Variants in SYDE2 observed in about 807,000 individuals in gnomAD.
SYDE2 encodes rho GTPase-activating protein SYDE2.
In SYDE2, 76 loss-of-function variants were observed where a neutral mutation model predicts 91.5. That is an observed-to-expected ratio of 0.83 (90% CI 0.69 to 1.01). The LOEUF (loss-of-function observed/expected upper bound fraction) is 1.01, where lower values mean the gene tolerates loss of function less well. Among genes scored for constraint, SYDE2 ranks in the 50% least tolerant of loss-of-function variants. SYDE2 has a pLI of 0.00. For missense variants in SYDE2, 1,364 were observed against 1,367.7 expected (o/e 1.00, Z 0.04); for synonymous variants, 513 against 506.4 (o/e 1.01, Z -0.18).
At chr1:85,176,533 T>C (rs1657705604) in intron 4 of SYDE2, among the ~76,000 whole-genome samples, 1 of 152,158 alleles carries the variant, frequency 6.6e-6, no homozygotes, top group Non-Finnish European at 1.5e-5. Flanking sequence ...CAAAATTCTC[T>C]TAAATACGTA....
intron 6 of SYDE2, chr1:85,160,530 A>AGATCTAACAT: frequency 1.0e-6 from 1 of 975,216 alleles, no homozygotes; most frequent in Non-Finnish European, 1.2e-6. Context: ...TAATGTTAGT[A>AGATCTAACAT]TTAATATAGA....
intron 2 of SYDE2, among the ~76,000 whole-genome samples, chr1:85,185,035 A>C (rs1326894206): frequency 6.6e-6 from 1 of 151,838 alleles, no homozygotes; most frequent in African/African-American, 2.4e-5. Flanking sequence ...GCTTTCTGCC[A>C]ATACTGCTAA....
chr1:85,181,181 T>C (rs1469192540), intron 3 of SYDE2: 1 of 122,546 alleles, frequency 8.2e-6, no homozygotes, highest in East Asian at 2.8e-4. Flanking sequence ...CAACGGAGTC[T>C]CACTCTATCG....
chr1:85,162,672 C>G (rs923562012), intron 6 of SYDE2, among the ~76,000 whole-genome samples: 1 of 152,102 alleles, frequency 6.6e-6, no homozygotes, highest in Non-Finnish European at 1.5e-5. Flanking sequence ...TTCTATAACA[C>G]AAGATATACA....
chr1:85,180,924 A>C (rs1380288500), intron 3 of SYDE2, among the ~76,000 whole-genome samples: 1 of 152,140 alleles, frequency 6.6e-6, no homozygotes, highest in African/African-American at 2.4e-5. Context: ...TGCCTGAAAA[A>C]AGATAAAAGA....
At chr1:85,184,779 T>C (rs991831163) in intron 2 of SYDE2, among the ~76,000 whole-genome samples, 2 of 151,828 alleles carry the variant, frequency 1.3e-5, no homozygotes, top group Non-Finnish European at 2.9e-5. Context: ...GGAAGACTGC[T>C]TGAGCTGGGA....
rs1557752576 is a variant in SYDE2, at chr1:85,183,180, T to C, written c.1462A>G (p.Thr488Ala). ...ATAATTCCCAATTCAGTACTATTTG[T>C]AGCAGCCAGGATCCCAGAACCTTAA... Reference protein sequence around the residue: ...PFAGSGILAATNSTELGIMEP... With the variant: ...PFAGSGILAAANSTELGIMEP... The change falls in exon 3 of 7, where the codon ACA (threonine) becomes GCA (alanine). Residue 488 changes from threonine (T) to alanine (A), a missense_variant. Physicochemically the swap from Thr to Ala is moderately conservative, Grantham distance 58. Transcript: ENST00000341460. The C allele has an allele frequency of 6.4e-7, 1 of 1,572,432 alleles. No individual in the cohort carries two copies. The highest frequency in any genetic ancestry group is 2.2e-5 in the East Asian group (1 of 44,530).
At chr1:85,169,540 C>T (rs1008432246) in intron 4 of SYDE2, among the ~76,000 whole-genome samples, 8 of 152,110 alleles carry the variant, frequency 5.3e-5, no homozygotes, top group Admixed American at 1.3e-4. Flanking sequence ...TAAAAAGCTT[C>T]TCTAAATGCA....
At position 85,200,673 on chromosome 1, in the gene SYDE2, G is replaced by C; in HGVS notation, c.324C>G (p.Ile108Met). Reference protein sequence around the residue: ...PFQRWPSDSWIRCGAHRDWDE... With the variant: ...PFQRWPSDSWMRCGAHRDWDE... ...CCCAGTCCCGGTGCGCGCCGCACCT[G>C]ATCCAGCTGTCGCTCGGCCACCGCT... Residue 108 changes from isoleucine to methionine, a missense_variant, in exon 1 of 7, where the codon ATC becomes ATG. By Grantham distance (10) the Ile-to-Met change is conservative. Coordinates refer to ENST00000341460, the MANE Select transcript of SYDE2 (RefSeq NM_032184.2). 1 of 1,537,886 alleles carries C rather than the reference G, an allele frequency of 6.5e-7. No homozygotes were observed. The highest frequency in any genetic ancestry group is 8.7e-7 in the Non-Finnish European group (1 of 1,147,300).
At chr1:85,194,221 T>C (rs575152278) in intron 1 of SYDE2, among the ~76,000 whole-genome samples, 1 of 151,456 alleles carries the variant, frequency 6.6e-6, no homozygotes, top group African/African-American at 2.4e-5. Context: ...TTCATAGATA[T>C]GGAAAGCTAT....
intron 6 of SYDE2, among the ~76,000 whole-genome samples, chr1:85,161,720 C>T (rs545979294): frequency 1.6e-5 from 2 of 125,096 alleles, no homozygotes; most frequent in South Asian, 4.8e-4. Context: ...AGTGAGACTC[C>T]ATCTCAAAAA....
Position 85,156,967 on chromosome 1 carries a change from A to G in SYDE2, c.*1783T>C, listed in dbSNP as rs1230454912. The G allele has an allele frequency of 1.3e-5, 2 of 152,100 alleles. No individual in the cohort carries two copies. Among genetic ancestry groups the G allele is most frequent in the African/African-American group, 2.4e-5 (1 of 41,456 alleles). The allele number at this position is 152,100 out of a possible 1,614,324, so 9.4% of individuals were successfully genotyped here. A position where few individuals can be genotyped will look rare whatever the true frequency, so the allele number is the denominator to read the frequency against. On this transcript the variant is annotated 3_prime_UTR_variant, in exon 7 of 7. Transcript: ENST00000341460. Reference sequence around the variant, plus strand: ...GGAAGGAAACTGAGACAGCTTTCCTATAAAACATTCAAGAGTACTTTCCTT... The same window carrying G: ...GGAAGGAAACTGAGACAGCTTTCCTGTAAAACATTCAAGAGTACTTTCCTT...
chr1:85,182,164 A>G lies in SYDE2; in HGVS notation c.2478T>C (p.Asn826=). The change falls in exon 3 of 7, where the codon AAT becomes AAC. Residue 826 remains asparagine (N), a synonymous_variant. Coordinates refer to ENST00000341460, the MANE Select transcript of SYDE2 (RefSeq NM_032184.2). ...TCAGAAGGGGCACCATCAGTCCTAT[A>G]TTTTCTTTCTCTACAACTTTTTGAA... is the stretch of plus-strand genomic sequence containing the variant. ...VDIQKVVEKE[N]IGLMVPLLIQ... is the part of the protein sequence containing the mutation. The G allele has an allele frequency of 6.2e-7, 1 of 1,605,264 alleles. No homozygotes were observed. The highest frequency in any genetic ancestry group is 2.2e-5 in the East Asian group (1 of 44,770).
intron 2 of SYDE2, among the ~76,000 whole-genome samples, chr1:85,187,753 A>C (rs1374437451): frequency 6.6e-6 from 1 of 151,836 alleles, no homozygotes; most frequent in African/African-American, 2.4e-5. Context: ...ATTCTCAGTA[A>C]ACTATCTCAA....
Position 85,183,148 on chromosome 1 carries a change from T to G in SYDE2, c.1494A>C (p.Pro498=). ...TNSTELGIME[P]SSPNPSPVKK... is the part of the protein sequence containing the mutation. ...TCACAGGGCTAGGATTTGGAGAAGA[T>G]GGTTCCATAATTCCCAATTCAGTAC... Residue 498 remains proline, a synonymous_variant, in exon 3 of 7, where the codon CCA becomes CCC. Coordinates refer to ENST00000341460, the MANE Select transcript of SYDE2 (RefSeq NM_032184.2). 6.2e-7 allele frequency: 1 copy of G among 1,604,608 alleles called. No homozygotes were observed. Among genetic ancestry groups the G allele is most frequent in the Non-Finnish European group, 8.5e-7 (1 of 1,177,244 alleles).
chr1:85,194,755 C>T, intron 1 of SYDE2: 9 of 896,744 alleles, frequency 1.0e-5, no homozygotes, highest in Non-Finnish European at 1.2e-5. Flanking sequence ...GTTTTCTCAA[C>T]TATTATTTCA....
At chr1:85,198,750 A>C (rs912681028) in intron 1 of SYDE2, among the ~76,000 whole-genome samples, 2 of 152,176 alleles carry the variant, frequency 1.3e-5, no homozygotes, top group Non-Finnish European at 2.9e-5. Context: ...AAAATATTTG[A>C]CTATTTTTTG....
At chr1:85,196,848 T>G (rs1658605153) in intron 1 of SYDE2, among the ~76,000 whole-genome samples, 1 of 152,218 alleles carries the variant, frequency 6.6e-6, no homozygotes, top group African/African-American at 2.4e-5. Flanking sequence ...AGTGTCAACT[T>G]CACTTTAAGA....
intron 5 of SYDE2, 104 bp from the exon 6 acceptor site, chr1:85,164,861 A>AT (rs968752125): frequency 5.3e-5 from 36 of 674,216 alleles, no homozygotes; most frequent in South Asian, 1.5e-4. Flanking sequence ...TTTTAAAAGG[A>AT]TTTTTTTTAA....
Sources: allele counts gnomAD v4.1 joint callset (sites outside exome capture counted in the v4.1 genomes callset), GRCh38; gene constraint gnomAD v4.1.1; transcripts MANE v1.5; gene names NCBI Gene and HGNC (gene_info 2026-07-23, HGNC 2026-07-21).